Variants in RALYL observed in about 807,000 individuals in gnomAD.
RALYL encodes the protein RNA-binding Raly-like protein.
In RALYL, 29 loss-of-function variants were observed where a neutral mutation model predicts 35.1. That is an observed-to-expected ratio of 0.83 (90% confidence interval 0.61 to 1.13). The LOEUF is 1.13. Ranked by LOEUF, RALYL falls within the 50% of genes most tolerant of loss-of-function variation. The probability of loss-of-function intolerance (pLI) is 0.00; values close to 1 mark genes in which losing one functional copy is unlikely to be tolerated. For synonymous variants in RALYL, 120 were observed against 127.6 expected (o/e 0.94, Z 0.40); for missense variants, 359 against 360.4 (o/e 1.00, Z 0.03).
intron 1 of RALYL, among the ~76,000 whole-genome samples, chr8:84,437,193 G>A (rs569553204): frequency 2.0e-5 from 3 of 152,172 alleles, no homozygotes; most frequent in Admixed American, 1.3e-4. Flanking sequence ...TGCAAAGGAC[G>A]TGATTTCATT....
chr8:84,213,547 TA>T (rs1820047723), intron 1 of RALYL, among the ~76,000 whole-genome samples: 1 of 152,242 alleles, frequency 6.6e-6, no homozygotes, highest in East Asian at 1.9e-4. Flanking sequence ...TTTTAAAATA[TA>T]TTGTATTTGG....
intron 2 of RALYL, chr8:84,706,062 T>C: frequency 6.5e-7 from 1 of 1,535,010 alleles, no homozygotes; most frequent in South Asian, 1.2e-5. Context: ...ATCAGAGATG[T>C]AAGTAAAATC....
chr8:84,811,713 C>G (rs1825949066), intron 4 of RALYL, among the ~76,000 whole-genome samples: 1 of 152,038 alleles, frequency 6.6e-6, no homozygotes, highest in Admixed American at 6.6e-5. Context: ...TTCATATTTT[C>G]TTATTCTTTA....
intron 1 of RALYL, among the ~76,000 whole-genome samples, chr8:84,279,243 C>T (rs985598583): frequency 3.9e-5 from 6 of 152,296 alleles, no homozygotes; most frequent in East Asian, 1.9e-4. Flanking sequence ...CACCTGGCAA[C>T]ACCCTTGACA....
intron 1 of RALYL, among the ~76,000 whole-genome samples, chr8:84,457,068 AT>A (rs967116533): frequency 3.3e-5 from 5 of 151,942 alleles, no homozygotes; most frequent in East Asian, 2.0e-4. Flanking sequence ...AAAACATCTA[AT>A]TTTTTCCCCC....
At chr8:84,486,599 A>G (rs980645984) in intron 1 of RALYL, among the ~76,000 whole-genome samples, 4 of 151,942 alleles carry the variant, frequency 2.6e-5, no homozygotes, top group African/African-American at 9.7e-5. Flanking sequence ...AGTTTCTTTC[A>G]TATCAAATAA....
At chr8:84,532,315 C>A (rs1204597333) in intron 2 of RALYL, among the ~76,000 whole-genome samples, 2 of 151,986 alleles carry the variant, frequency 1.3e-5, no homozygotes, top group African/African-American at 4.8e-5. Flanking sequence ...GTTCATCCAT[C>A]AGGTCCCGAA....
rs138159386 is a variant in RALYL at position 84,376,356 on chromosome 8, G to A, written c.-23-152943G>A. Among the ~76,000 whole-genome samples, 76 of 151,946 alleles carry A rather than the reference G, an allele frequency of 5.0e-4. No individual in the cohort carries two copies. The East Asian group carries it at 0.013, about 26-fold the overall frequency. ...TCAGAAATATTTCAAGTGGATCTGAGTGAAGAAATAAAATTGTATAGAAGT... is the reference window on the plus strand; with the variant it reads ...TCAGAAATATTTCAAGTGGATCTGAATGAAGAAATAAAATTGTATAGAAGT... On this transcript the variant is annotated intron_variant, in intron 1 of 8. Transcript: ENST00000521268.
At chr8:84,209,368 T>TA (rs1818893550) in intron 1 of RALYL, among the ~76,000 whole-genome samples, 2 of 152,110 alleles carry the variant, frequency 1.3e-5, no homozygotes, top group Non-Finnish European at 2.9e-5. Context: ...TGATGTGCCG[T>TA]AAAAAACACA....
intron 5 of RALYL, among the ~76,000 whole-genome samples, chr8:84,852,944 T>C (rs1475241554): frequency 6.6e-6 from 1 of 152,200 alleles, no homozygotes; most frequent in Non-Finnish European, 1.5e-5. Flanking sequence ...TGTGCTCTAC[T>C]ACAAGGGTTT....
In RALYL at chr8:84,741,940, AT is replaced by A. The variant is rs549966342; in HGVS notation, c.257-32628del. ...AGACAGGTCTATTATTTCCAGGGCC[AT>A]TTTTTTTTTTATTTTGGTTCTCTTT... On this transcript the variant is annotated intron_variant, in intron 2 of 8. Transcript: ENST00000521268. Among the ~76,000 whole-genome samples, 905 of 146,230 alleles carry A rather than the reference AT, an allele frequency of 6.2e-3. 3 individuals are homozygous for A. Among genetic ancestry groups the A allele is most frequent in the Non-Finnish European group, 7.3e-3 (481 of 66,012 alleles).
intron 2 of RALYL, among the ~76,000 whole-genome samples, chr8:84,697,511 A>G (rs1487437297): frequency 6.6e-6 from 1 of 152,034 alleles, no homozygotes; most frequent in Non-Finnish European, 1.5e-5. Flanking sequence ...TAGTGCAAAT[A>G]TTATCATTTC....
intron 1 of RALYL, among the ~76,000 whole-genome samples, chr8:84,410,917 T>C (rs965215470): frequency 1.3e-5 from 2 of 151,762 alleles, no homozygotes; most frequent in African/African-American, 4.8e-5. Context: ...GGAAATAAAC[T>C]CTAGGATGAA....
At chr8:84,481,672 T>C (rs1269147715) in intron 1 of RALYL, among the ~76,000 whole-genome samples, 1 of 152,128 alleles carries the variant, frequency 6.6e-6, no homozygotes, top group African/African-American at 2.4e-5. Flanking sequence ...TGTACAAACA[T>C]TGATAAATAC....
chr8:84,439,510 T>G (rs1319698154), intron 1 of RALYL, among the ~76,000 whole-genome samples: 1 of 152,166 alleles, frequency 6.6e-6, no homozygotes, highest in East Asian at 1.9e-4. Flanking sequence ...ATATAAGCAT[T>G]CTTTTAATTT....
intron 2 of RALYL, among the ~76,000 whole-genome samples, chr8:84,564,556 C>T (rs558359190): frequency 2.6e-5 from 4 of 151,736 alleles, no homozygotes; most frequent in African/African-American, 9.6e-5. Context: ...TTGCTGTCTG[C>T]CACAATCCCT....
At chr8:84,751,098 A>G (rs1809869942) in intron 2 of RALYL, among the ~76,000 whole-genome samples, 1 of 152,066 alleles carries the variant, frequency 6.6e-6, no homozygotes, top group Non-Finnish European at 1.5e-5. Context: ...TGTGACCATG[A>G]TAAGTATGAG....
intron 3 of RALYL, among the ~76,000 whole-genome samples, chr8:84,792,356 C>A (rs1203042942): frequency 6.6e-6 from 1 of 152,138 alleles, no homozygotes; most frequent in Admixed American, 6.5e-5. Flanking sequence ...AATCTCCTTT[C>A]CAACTGTCCC....
At chr8:84,367,318 ATTTT>A (rs56387511) in intron 1 of RALYL, among the ~76,000 whole-genome samples, 3 of 27,408 alleles carry the variant, frequency 1.1e-4, no homozygotes, top group Admixed American at 5.1e-4. Flanking sequence ...TAATTTTTGT[ATTTT>A]TTTTTTTTTT....
Sources: allele counts gnomAD v4.1 joint callset (sites outside exome capture counted in the v4.1 genomes callset), GRCh38; gene constraint gnomAD v4.1.1; transcripts MANE v1.5; gene names NCBI Gene and HGNC (gene_info 2026-07-23, HGNC 2026-07-21).